ABCB9: variants seen among roughly 807,000 people sequenced by gnomAD.
The protein encoded by ABCB9 is ABC-type oligopeptide transporter ABCB9.
Under a neutral mutation model 62.0 loss-of-function variants are expected in ABCB9, and 36 were observed. The observed-to-expected ratio is 0.58, with a 90% CI of 0.45 to 0.77. The LOEUF is 0.77. ABCB9 is among the 30% of genes least tolerant of loss of function. The pLI is 0.00. For missense variants in ABCB9, 943 were observed against 1,054.7 expected, an observed-to-expected ratio of 0.89 and a Z score of 1.47; for synonymous variants, 435 against 461.4, an observed-to-expected ratio of 0.94 and a Z score of 0.73.
At chr12:122,934,971 C>A (rs2035382568) in intron 10 of ABCB9, among the ~76,000 whole-genome samples, 1 of 152,106 alleles carries the variant, frequency 6.6e-6, no homozygotes, top group Admixed American at 6.6e-5. Context: ...CCTCCCCCTT[C>A]TTCTACTTCC....
At position 122,944,899 on chromosome 12, in the gene ABCB9, C is replaced by T. The variant is rs1462817121; in HGVS notation, c.1252-380G>A. ...TGGCTAAGGTCACACAGTGAGCTCT[C>T]TGTCTCCTCCCCCAGTGGGGTTCCG... On this transcript the variant is annotated intron_variant, in intron 6 of 11. Transcript: ENST00000280560. The surrounding 1 kb of genome is among the most constrained non-coding windows in gnomAD (Gnocchi z 4.9). Among the ~76,000 whole-genome samples the T allele has an allele frequency of 6.6e-6, 1 of 152,250 alleles. No individual in the cohort carries two copies. The highest frequency in any genetic ancestry group is 2.4e-5 in the African/African-American group (1 of 41,470).
intron 2 of ABCB9, chr12:122,952,984 AG>A (rs923743117): frequency 6.6e-6 from 1 of 152,244 alleles, no homozygotes; most frequent in Non-Finnish European, 1.5e-5. Flanking sequence ...GGCTCAAAAC[AG>A]TCCAAATCCC....
chr12:122,920,938 T>C (rs977644967), downstream of ABCB9: 24 of 1,348,024 alleles, frequency 1.8e-5, no homozygotes, highest in Middle Eastern at 1.8e-4. Context: ...ATAAAGCGCA[T>C]AGACTCGTGT....
intron 4 of ABCB9, 39 bp from the exon 5 acceptor site, chr12:122,948,868 G>C (rs1047321204): frequency 4.1e-6 from 6 of 1,451,336 alleles, no homozygotes; most frequent in Non-Finnish European, 4.6e-6. Context: ...ACAGCAACCC[G>C]GGCCTTGGGG....
chr12:122,941,900 T>C (rs2035780699), intron 7 of ABCB9, among the ~76,000 whole-genome samples: 2 of 151,654 alleles, frequency 1.3e-5, no homozygotes, highest in African/African-American at 4.8e-5. Flanking sequence ...GTTAATTTTT[T>C]GTATTTTCAG....
At chr12:122,939,231 A>G (rs763722034) in intron 9 of ABCB9, among the ~76,000 whole-genome samples, 1 of 152,212 alleles carries the variant, frequency 6.6e-6, no homozygotes, top group African/African-American at 2.4e-5. Flanking sequence ...ATTGTGATAA[A>G]CATATGTATA....
rs943081450 is a variant in ABCB9 at position 122,930,634 on chromosome 12, A to G, written c.2041-463T>C. On this transcript the variant is annotated intron_variant, in intron 11 of 11. Coordinates refer to ENST00000280560, the MANE Select transcript of ABCB9 (RefSeq NM_019625.4). This position sits in a 1 kb window ranked among gnomAD's most constrained non-coding sequence, Gnocchi z 4.9. ...CATGTTGGCCAGACTGGTCTCGAAC[A>G]CCTGACTTTGTGATCCGCCTGGCCT... Among the ~76,000 whole-genome samples, 4 of 151,610 alleles carry G rather than the reference A, an allele frequency of 2.6e-5. No individual in the cohort carries two copies. The highest frequency in any genetic ancestry group is 4.4e-5 in the Non-Finnish European group (3 of 67,890).
chr12:122,964,696 G>A lies in ABCB9; in HGVS notation c.-88+1591C>T, dbSNP rs2037083970. Among the ~76,000 whole-genome samples, 1 of 152,258 alleles carries A rather than the reference G, an allele frequency of 6.6e-6. No individual in the cohort carries two copies. The highest frequency in any genetic ancestry group is 1.5e-5 in the Non-Finnish European group (1 of 68,050). On this transcript the variant is annotated intron_variant, in intron 1 of 11. Coordinates refer to ENST00000280560, the MANE Select transcript of ABCB9 (RefSeq NM_019625.4). The surrounding 1 kb of genome is among the most constrained non-coding windows in gnomAD (Gnocchi z 4.7). ...TGGGCTCGGCCAGGTGGAGCTGGAG[G>A]GCAAATTGTGAGCACATGGGTGACC...
At chr12:122,973,541 G>T in intron 1 of ABCB9, among the ~76,000 whole-genome samples, 1 of 125,316 alleles carries the variant, frequency 8.0e-6, no homozygotes, top group Non-Finnish European at 1.6e-5. Flanking sequence ...TCCGCAGTCC[G>T]GCCTGGGCGA....
chr12:122,940,846 G>A lies in ABCB9; in HGVS notation c.1530C>T (p.Thr510=), dbSNP rs1384397877. ...LEGRVDFENV[T]FTYRTRPHTQ... is the part of the protein sequence containing the mutation. ...TGTGGGGCCGAGTGCGGTAGGTGAA[G>A]GTCACATTCTCAAAGTCCACCCGGC... The change falls in exon 8 of 12, where the codon ACC becomes ACT. Residue 510 remains threonine (T), a synonymous_variant. Coordinates refer to ENST00000280560, the MANE Select transcript of ABCB9 (RefSeq NM_019625.4). The surrounding 1 kb of genome is among the most constrained non-coding windows in gnomAD (Gnocchi z 4.8). 1.9e-6 allele frequency: 3 copies of A among 1,610,068 alleles called. No homozygotes were observed. Among genetic ancestry groups the A allele is most frequent in the Admixed American group, 1.7e-5 (1 of 59,808 alleles).
Position 122,929,524 on chromosome 12 carries a change from A to G in ABCB9, c.*387T>C. On this transcript the variant is annotated 3_prime_UTR_variant, in exon 12 of 12. Transcript: ENST00000280560. This position sits in a 1 kb window ranked among gnomAD's most constrained non-coding sequence, Gnocchi z 6.0. ...AGGAAGGGCCATTCACTCCTGGCTC[A>G]GAAGTTTCTAGAACATCTTGGTGAA... is the stretch of plus-strand genomic sequence containing the variant. 9.9e-7 allele frequency: 1 copy of G among 1,013,412 alleles called. No homozygotes were observed. Among genetic ancestry groups the G allele is most frequent in the Non-Finnish European group, 1.2e-6 (1 of 848,722 alleles). The allele number at this position is 1,013,412 out of a possible 1,614,324, so 62.8% of individuals were successfully genotyped here. A position where few individuals can be genotyped will look rare whatever the true frequency, so the allele number is the denominator to read the frequency against.
At position 122,964,286 on chromosome 12, in the gene ABCB9, G is replaced by T. The variant is rs1053486661; in HGVS notation, c.-88+2001C>A. Reference sequence around the variant, plus strand: ...CCTTCCCCATCCCCCAACAGCCCAGGGTACCAGTCATGCCCCCCGCCTCCA... The same window carrying T: ...CCTTCCCCATCCCCCAACAGCCCAGTGTACCAGTCATGCCCCCCGCCTCCA... On this transcript the variant is annotated intron_variant, in intron 1 of 11. Transcript: ENST00000280560. The surrounding 1 kb of genome is among the most constrained non-coding windows in gnomAD (Gnocchi z 4.7). Among the ~76,000 whole-genome samples, 4 of 152,086 alleles carry T rather than the reference G, an allele frequency of 2.6e-5. No individual in the cohort carries two copies. Among genetic ancestry groups the T allele is most frequent in the Admixed American group, 6.5e-5 (1 of 15,272 alleles).
Position 122,929,949 on chromosome 12 carries a change from G to T in ABCB9, c.2263C>A (p.His755Asn). ...LQPAADFTAGHNEPVANGSHK... is the reference protein window; with the variant it reads ...LQPAADFTAGNNEPVANGSHK... Reference sequence around the variant, plus strand: ...CTGCCGTTGGCTACAGGCTCGTTGTGGCCAGCTGTGAAGTCTGCGGCGGGC... The same window carrying T: ...CTGCCGTTGGCTACAGGCTCGTTGTTGCCAGCTGTGAAGTCTGCGGCGGGC... The change falls in exon 12 of 12, where the codon CAC (histidine) becomes AAC (asparagine). Residue 755 changes from histidine to asparagine, a missense_variant. His to Asn is a moderately conservative substitution (Grantham distance 68). Coordinates refer to ENST00000280560, the MANE Select transcript of ABCB9 (RefSeq NM_019625.4). This position sits in a 1 kb window ranked among gnomAD's most constrained non-coding sequence, Gnocchi z 6.0. 6.4e-7 allele frequency: 1 copy of T among 1,574,446 alleles called. No individual in the cohort carries two copies. Among genetic ancestry groups the T allele is most frequent in the Non-Finnish European group, 8.6e-7 (1 of 1,159,984 alleles).
chr12:122,919,877 GTTTGTTTA>G (rs1238018682), downstream of ABCB9, among the ~76,000 whole-genome samples: 46 of 121,824 alleles, frequency 3.8e-4, no homozygotes, highest in East Asian at 1.3e-3. Flanking sequence ...TCATCTGTTT[GTTTGTTTA>G]TTTATTTATT....
rs1368006043 is a variant in ABCB9 at position 122,949,918 on chromosome 12, G to C, written c.717C>G (p.Ser239Arg). The C allele has an allele frequency of 1.2e-6, 2 of 1,614,122 alleles. No individual in the cohort carries two copies. Among genetic ancestry groups the C allele is most frequent in the Non-Finnish European group, 1.7e-6 (2 of 1,179,952 alleles). Residue 239 changes from serine to arginine, a missense_variant and splice_region_variant, in exon 4 of 12, where the codon AGC becomes AGG. Transcript: ENST00000280560. The stretch of plus-strand genomic sequence containing the variant: ...CGCCCCGAATACCTGCGGCAAATGA[G>C]CTAATTGCAGATAAGAGATATTATA... Reference protein sequence around the residue: ...VVIVCLLAIGSSFAAGIRGGI... With the variant: ...VVIVCLLAIGRSFAAGIRGGI...
intron 11 of ABCB9, among the ~76,000 whole-genome samples, chr12:122,923,055 C>G (rs2034788663): frequency 6.6e-6 from 1 of 151,786 alleles, no homozygotes; most frequent in Non-Finnish European, 1.5e-5. Flanking sequence ...AGTGATCCAC[C>G]TGCCTCAGCC....
chr12:122,940,907 A>C lies in ABCB9; in HGVS notation c.1469T>G (p.Val490Gly), dbSNP rs1365526907. 2 of 1,612,240 alleles carry C rather than the reference A, an allele frequency of 1.2e-6. No individual in the cohort carries two copies. The highest frequency in any genetic ancestry group is 1.7e-6 in the Non-Finnish European group (2 of 1,179,394). ...GTCGGGGGCCAAGCTGCCATCGTGC[A>C]CCATGGTCGGCTGCCGGTCGATGAA... The part of the protein sequence containing the change: ...FEFIDRQPTM[V>G]HDGSLAPDHL... Residue 490 changes from valine to glycine, a missense_variant, in exon 8 of 12, where the codon GTG becomes GGG. Transcript: ENST00000280560. The surrounding 1 kb of genome is among the most constrained non-coding windows in gnomAD (Gnocchi z 4.8).
At chr12:122,920,259 CTTCT>C (rs1402753933), downstream of ABCB9, among the ~76,000 whole-genome samples, 1 of 151,796 alleles carries the variant, frequency 6.6e-6, no homozygotes, top group Non-Finnish European at 1.5e-5. Flanking sequence ...ATTGGCGATG[CTTCT>C]TTCTCAGCCC....
intron 11 of ABCB9, among the ~76,000 whole-genome samples, chr12:122,923,929 CAG>C (rs1026267180): frequency 1.3e-5 from 2 of 152,170 alleles, no homozygotes; most frequent in African/African-American, 4.8e-5. Flanking sequence ...GTCCAGTCGA[CAG>C]GGGAGCTGCA....
Sources: gnomAD v4.1 joint callset for allele counts (sites outside exome capture counted in the v4.1 genomes callset) on GRCh38, gnomAD v4.1.1 for gene constraint, Gnocchi (gnomAD v3.1) non-coding constraint, MANE v1.5 for transcripts, NCBI Gene and HGNC (gene_info 2026-07-23, HGNC 2026-07-21) for gene names.